MEIS1: variants seen among roughly 807,000 people sequenced by gnomAD.
The protein encoded by MEIS1 is homeobox protein Meis1.
In MEIS1, 5 loss-of-function variants were observed where a neutral mutation model predicts 50.8. The ratio of observed to expected loss-of-function variants is 0.10; its 90% CI spans 0.05 to 0.21. MEIS1 has a LOEUF of 0.21. Among genes scored for constraint, MEIS1 ranks in the 10% least tolerant of loss-of-function variants. The pLI is 1.00. For synonymous variants in MEIS1, 176 were observed against 179.3 expected (o/e 0.98, Z 0.15); for missense variants, 318 against 517.3 (o/e 0.61, Z 3.74).
At chr2:66,441,343 A>T in intron 4 of MEIS1, 71 bp from the exon 5 acceptor site, 1 of 1,359,526 alleles carries the variant, frequency 7.4e-7, no homozygotes, top group African/African-American at 1.5e-5. Flanking sequence ...TGGGCTGGAG[A>T]TGGTAGAGCT....
At chr2:66,526,486 C>T (rs1394121545) in intron 8 of MEIS1, among the ~76,000 whole-genome samples, 1 of 152,152 alleles carries the variant, frequency 6.6e-6, no homozygotes, top group Non-Finnish European at 1.5e-5. Flanking sequence ...CTCTTGGAAT[C>T]ACTATAAAAA....
chr2:66,448,392 A>ATAG (rs1672200438), intron 6 of MEIS1, among the ~76,000 whole-genome samples: 1 of 152,158 alleles, frequency 6.6e-6, no homozygotes, highest in African/African-American at 2.4e-5. Flanking sequence ...TTGTGCTCCC[A>ATAG]TAGTAGAAAC....
chr2:66,438,621 G>A (rs1337626918), intron 2 of MEIS1, among the ~76,000 whole-genome samples: 1 of 152,076 alleles, frequency 6.6e-6, no homozygotes, highest in Non-Finnish European at 1.5e-5. Context: ...GTAAATTCGG[G>A]GTGCTCTTCC....
chr2:66,464,506 T>C (rs953356273), intron 7 of MEIS1, among the ~76,000 whole-genome samples: 2 of 152,180 alleles, frequency 1.3e-5, no homozygotes, highest in African/African-American at 4.8e-5. Context: ...TAGTATGCCA[T>C]TCATACCCTG....
Position 66,443,043 on chromosome 2 carries a change from G to T in MEIS1, c.625G>T (p.Asp209Tyr). ...EDITRSANLT[D>Y]QPSWNRDHDD... Reference sequence around the variant, plus strand: ...TATAACAAGATCAGCAAATCTAACTGACCAGGTATGCGCTTTTCAATTTCA... The same window carrying T: ...TATAACAAGATCAGCAAATCTAACTTACCAGGTATGCGCTTTTCAATTTCA... Residue 209 changes from aspartate (D) to tyrosine (Y), a missense_variant, in exon 6 of 13, where the codon GAC becomes TAC. Around this residue, in one of 6 missense-constraint regions of MEIS1, gnomAD observed 48 missense variants for 50.9 expected, o/e 0.94. Transcript: ENST00000272369. The T allele has an allele frequency of 6.3e-7, 1 of 1,593,208 alleles. No individual in the cohort carries two copies. Among genetic ancestry groups the T allele is most frequent in the South Asian group, 1.2e-5 (1 of 85,498 alleles).
At chr2:66,490,469 G>C (rs1439685205) in intron 7 of MEIS1, among the ~76,000 whole-genome samples, 1 of 144,112 alleles carries the variant, frequency 6.9e-6, no homozygotes, top group Non-Finnish European at 1.5e-5. Context: ...GGACTTGCAA[G>C]CTTACTTTTT....
chr2:66,513,521 T>C (rs1673883486), intron 8 of MEIS1, among the ~76,000 whole-genome samples: 1 of 151,690 alleles, frequency 6.6e-6, no homozygotes, highest in South Asian at 2.1e-4. Flanking sequence ...CCTCTAATAA[T>C]ACTCAAGGGT....
In MEIS1 at chr2:66,464,146, C is replaced by G. The variant is rs1399537292; in HGVS notation, c.668C>G (p.Thr223Ser). 1 of 1,605,458 alleles carries G rather than the reference C, an allele frequency of 6.2e-7. No individual in the cohort carries two copies. The change falls in exon 7 of 13, where the codon ACT becomes AGT. Residue 223 changes from threonine to serine, a missense_variant. By Grantham distance (58) the Thr-to-Ser change is moderately conservative. Coordinates refer to ENST00000272369, the MANE Select transcript of MEIS1 (RefSeq NM_002398.3). ...WNRDHDDTAS[T>S]RSGGTPGPSS... ...AGAGATCATGATGACACGGCATCTA[C>G]TCGTTCAGGAGGAACCCCAGGCCCT... is the stretch of plus-strand genomic sequence containing the variant.
chr2:66,440,582 A>G lies in MEIS1; in HGVS notation c.402A>G (p.Leu134=). The part of the protein sequence containing the change: ...FAKQIRAEKP[L]FSSNPELDNL... ...TTTAGATTCGCGCAGAAAAACCTCT[A>G]TTTTCTTCTAATCCAGAACTGGATA... is the stretch of plus-strand genomic sequence containing the variant. Residue 134 remains leucine (L), a synonymous_variant, in exon 4 of 13, where the codon CTA becomes CTG. Transcript: ENST00000272369. The G allele has an allele frequency of 6.2e-7, 1 of 1,612,056 alleles. No individual in the cohort carries two copies. Among genetic ancestry groups the G allele is most frequent in the Non-Finnish European group, 8.5e-7 (1 of 1,179,310 alleles).
intron 9 of MEIS1, among the ~76,000 whole-genome samples, chr2:66,557,781 C>T (rs1200818963): frequency 1.3e-5 from 2 of 152,156 alleles, no homozygotes; most frequent in Admixed American, 6.5e-5. Flanking sequence ...AGTATAGCAA[C>T]AAAGACCTGT....
chr2:66,558,763 C>G (rs1392878180), intron 9 of MEIS1, among the ~76,000 whole-genome samples: 1 of 152,128 alleles, frequency 6.6e-6, no homozygotes, highest in Non-Finnish European at 1.5e-5. Context: ...TTGCTGAAGA[C>G]TTGGAGAACT....
intron 8 of MEIS1, among the ~76,000 whole-genome samples, chr2:66,528,242 T>C (rs56383906): frequency 0.23 from 35,510 of 152,030 alleles, 5,115 homozygotes; most frequent in Non-Finnish European, 0.33. Context: ...GGGATTATTA[T>C]TTCTGAAGGC....
chr2:66,505,342 G>C (rs1015563107), intron 7 of MEIS1, among the ~76,000 whole-genome samples: 6 of 152,122 alleles, frequency 3.9e-5, no homozygotes, highest in African/African-American at 1.4e-4. Flanking sequence ...GGAGTTTGAG[G>C]TTACAGTGAA....
chr2:66,491,999 A>C (rs1421907563), intron 7 of MEIS1, among the ~76,000 whole-genome samples: 1 of 151,620 alleles, frequency 6.6e-6, no homozygotes, highest in African/African-American at 2.4e-5. Context: ...GTTATCAATC[A>C]CTGGTAGTAC....
chr2:66,453,275 A>C (rs2103717762), intron 6 of MEIS1, among the ~76,000 whole-genome samples: 1 of 152,088 alleles, frequency 6.6e-6, no homozygotes. Flanking sequence ...CAATAATCCA[A>C]ATACTCTGTA....
At chr2:66,445,246 C>A (rs928347952) in intron 6 of MEIS1, 2 of 152,324 alleles carry the variant, frequency 1.3e-5, no homozygotes, top group African/African-American at 4.8e-5. Flanking sequence ...GCTTGTGTGA[C>A]CCCCTGGGGC....
intron 2 of MEIS1, among the ~76,000 whole-genome samples, chr2:66,438,634 G>A (rs1462419775): frequency 2.0e-5 from 3 of 152,144 alleles, no homozygotes; most frequent in African/African-American, 2.4e-5. Context: ...GCTCTTCCTC[G>A]GAGGTTGTTT....
intron 7 of MEIS1, among the ~76,000 whole-genome samples, chr2:66,508,207 TC>T (rs1673731335): frequency 6.6e-6 from 1 of 152,124 alleles, no homozygotes; most frequent in South Asian, 2.1e-4. Flanking sequence ...TGTGCAGAGT[TC>T]CTCTGCTCCT....
chr2:66,522,906 T>G (rs13424081), intron 8 of MEIS1, among the ~76,000 whole-genome samples: 1,760 of 152,316 alleles, frequency 0.012, 34 homozygotes, highest in African/African-American at 0.04. Context: ...TGCAGAGTGC[T>G]CATGTAAAAT....
Sources: allele counts gnomAD v4.1 joint callset (sites outside exome capture counted in the v4.1 genomes callset), GRCh38; gene constraint gnomAD v4.1.1; regional missense constraint gnomAD v4.1.1; transcripts MANE v1.5; gene names NCBI Gene and HGNC (gene_info 2026-07-23, HGNC 2026-07-21).